SH3GL2: variants seen among roughly 807,000 people sequenced by gnomAD.
The protein encoded by SH3GL2 is SH3 domain containing GRB2 like 2, endophilin A1, also known as endophilin-A1.
In SH3GL2, 24 loss-of-function variants were observed where a neutral mutation model predicts 46.0. That is an observed-to-expected ratio of 0.52 (90% CI 0.38 to 0.73). SH3GL2 has a LOEUF of 0.73. SH3GL2 is among the 30% of genes least tolerant of loss of function. The pLI is 0.00. For missense variants in SH3GL2, 413 were observed against 424.2 expected (o/e 0.97, Z 0.23); for synonymous variants, 196 against 147.1 (o/e 1.33, Z -2.40).
At chr9:17,749,495 G>T (rs1014949813) in intron 2 of SH3GL2, among the ~76,000 whole-genome samples, 2 of 152,108 alleles carry the variant, frequency 1.3e-5, no homozygotes, top group African/African-American at 4.8e-5. Context: ...CGTGGCCAAT[G>T]TCATGTCATT....
chr9:17,587,917 A>C (rs559217696), intron 1 of SH3GL2, among the ~76,000 whole-genome samples: 3 of 152,182 alleles, frequency 2.0e-5, no homozygotes, highest in African/African-American at 7.2e-5. Flanking sequence ...AAAAACCAGA[A>C]AAACTTCAAC....
chr9:17,729,245 G>A (rs1213961006), intron 1 of SH3GL2, among the ~76,000 whole-genome samples: 2 of 152,030 alleles, frequency 1.3e-5, no homozygotes, highest in African/African-American at 4.8e-5. Context: ...TCATATGTTT[G>A]TTGGCCGCAT....
chr9:17,739,364 T>C (rs1364820772), intron 1 of SH3GL2, among the ~76,000 whole-genome samples: 2 of 151,830 alleles, frequency 1.3e-5, no homozygotes, highest in Non-Finnish European at 2.9e-5. Context: ...TTAAATAGAA[T>C]TCGAAAAACT....
chr9:17,632,092 T>TG (rs1819439800), intron 1 of SH3GL2, among the ~76,000 whole-genome samples: 1 of 152,148 alleles, frequency 6.6e-6, no homozygotes, highest in Admixed American at 6.5e-5. Context: ...CAATACATTT[T>TG]GGGGGAAAAA....
At chr9:17,587,591 CT>C (rs1194919319) in intron 1 of SH3GL2, among the ~76,000 whole-genome samples, 1 of 152,022 alleles carries the variant, frequency 6.6e-6, no homozygotes, top group Non-Finnish European at 1.5e-5. Context: ...ACTTAGTAGG[CT>C]TCTGGCCAAG....
chr9:17,696,110 T>C (rs1282239933), intron 1 of SH3GL2, among the ~76,000 whole-genome samples: 1 of 152,126 alleles, frequency 6.6e-6, no homozygotes, highest in Non-Finnish European at 1.5e-5. Context: ...AATACCCAAG[T>C]CCTTTCCAGT....
At chr9:17,757,610 G>A (rs1216007300) in intron 2 of SH3GL2, among the ~76,000 whole-genome samples, 1 of 152,190 alleles carries the variant, frequency 6.6e-6, no homozygotes, top group African/African-American at 2.4e-5. Context: ...AGAAATTCTT[G>A]TAATTTAGGA....
chr9:17,685,472 C>T (rs887513953), intron 1 of SH3GL2, among the ~76,000 whole-genome samples: 1 of 152,052 alleles, frequency 6.6e-6, no homozygotes, highest in Non-Finnish European at 1.5e-5. Context: ...AATTGAATAA[C>T]TGGATACTAT....
chr9:17,606,903 AAAGT>A (rs1302410795), intron 1 of SH3GL2, among the ~76,000 whole-genome samples: 2 of 152,224 alleles, frequency 1.3e-5, no homozygotes, highest in African/African-American at 4.8e-5. Context: ...TCAGCAGTAG[AAAGT>A]AAGACCCCAC....
intron 3 of SH3GL2, among the ~76,000 whole-genome samples, chr9:17,764,244 T>G (rs1354114254): frequency 3.3e-5 from 5 of 152,210 alleles, no homozygotes; most frequent in Admixed American, 6.5e-5. Flanking sequence ...ACGAAAATTT[T>G]GTGTAATCAT....
chr9:17,737,702 C>A (rs537111922), intron 1 of SH3GL2, among the ~76,000 whole-genome samples: 8 of 152,032 alleles, frequency 5.3e-5, no homozygotes, highest in Non-Finnish European at 1.0e-4. Flanking sequence ...TGGTCGTTTT[C>A]GTTGGTTCTT....
At chr9:17,756,104 C>T (rs1461415403) in intron 2 of SH3GL2, among the ~76,000 whole-genome samples, 1 of 152,084 alleles carries the variant, frequency 6.6e-6, no homozygotes, top group African/African-American at 2.4e-5. Flanking sequence ...CGTCCATTGA[C>T]AGCGTTTAAA....
intron 1 of SH3GL2, among the ~76,000 whole-genome samples, chr9:17,672,081 C>G (rs961502692): frequency 7.2e-5 from 11 of 152,172 alleles, no homozygotes; most frequent in African/African-American, 2.4e-4. Flanking sequence ...ACCTCTGGAA[C>G]TCAATGTTTT....
chr9:17,756,489 C>G (rs913543555), intron 2 of SH3GL2, among the ~76,000 whole-genome samples: 7 of 121,502 alleles, frequency 5.8e-5, no homozygotes, highest in Non-Finnish European at 9.9e-5. Context: ...CCCCACCCCA[C>G]GGCAGGCCCC....
intron 1 of SH3GL2, among the ~76,000 whole-genome samples, chr9:17,690,385 C>A (rs1460337626): frequency 6.6e-6 from 1 of 152,130 alleles, no homozygotes; most frequent in Non-Finnish European, 1.5e-5. Context: ...ACTATCTGAA[C>A]TTCGTGCTGC....
intron 3 of SH3GL2, among the ~76,000 whole-genome samples, chr9:17,768,154 G>A (rs1823370375): frequency 6.6e-6 from 1 of 151,928 alleles, no homozygotes; most frequent in Non-Finnish European, 1.5e-5. Flanking sequence ...GGCGGATCAC[G>A]AGATCAGGGG....
At chr9:17,699,391 A>T (rs903737732) in intron 1 of SH3GL2, among the ~76,000 whole-genome samples, 1 of 152,194 alleles carries the variant, frequency 6.6e-6, no homozygotes, top group East Asian at 1.9e-4. Context: ...ACTGAAATGT[A>T]TACTTGCCAG....
At chr9:17,618,092 T>G (rs1455807234) in intron 1 of SH3GL2, among the ~76,000 whole-genome samples, 2 of 152,140 alleles carry the variant, frequency 1.3e-5, no homozygotes, top group Non-Finnish European at 2.9e-5. Flanking sequence ...CAATAGATTT[T>G]TTTCCCTCCA....
intron 1 of SH3GL2, among the ~76,000 whole-genome samples, chr9:17,729,079 A>C (rs10124855): frequency 0.29 from 44,771 of 151,982 alleles, 7,961 homozygotes; most frequent in African/African-American, 0.49. Flanking sequence ...TTTATACTCC[A>C]ACTAACAGTG....
Sources: gnomAD v4.1 joint callset for allele counts (sites outside exome capture counted in the v4.1 genomes callset) on GRCh38, gnomAD v4.1.1 for gene constraint, MANE v1.5 for transcripts, NCBI Gene and HGNC (gene_info 2026-07-23, HGNC 2026-07-21) for gene names.